AUNIP: variants seen among roughly 807,000 people sequenced by gnomAD.
AUNIP encodes aurora kinase A- and ninein-interacting protein.
A neutral mutation model predicts 12.2 loss-of-function variants in AUNIP; 16 were observed. That is an observed-to-expected ratio of 1.31 (90% CI 0.88 to 1.99). The LOEUF (loss-of-function observed/expected upper bound fraction) is 1.99, where lower values mean the gene tolerates loss of function less well. Among genes scored for constraint, AUNIP ranks in the 30% most tolerant of loss-of-function variants. The pLI, the probability that AUNIP is intolerant of heterozygous loss-of-function variation, is 0.00. For synonymous variants in AUNIP, 142 were observed against 154.8 expected (o/e 0.92, Z 0.61); for missense variants, 411 against 419.1 (o/e 0.98, Z 0.17).
intron 1 of AUNIP, among the ~76,000 whole-genome samples, chr1:25,858,209 TTCTTATCTA>T (rs2124518500): frequency 6.6e-6 from 1 of 152,248 alleles, no homozygotes; most frequent in Non-Finnish European, 1.5e-5. Context: ...ATGATCAAAT[TTCTTATCTA>T]TAAAACCAGG....
chr1:25,851,828 G>T (rs565588572), intron 1 of AUNIP, among the ~76,000 whole-genome samples: 1 of 151,926 alleles, frequency 6.6e-6, no homozygotes, highest in South Asian at 2.1e-4. Flanking sequence ...CCTGTCTCCC[G>T]GGTTCAAGTG....
In AUNIP at chr1:25,835,664, G is replaced by C. The variant is rs772304245; in HGVS notation, c.403C>G (p.Gln135Glu). The change falls in exon 3 of 3, where the codon CAG becomes GAG. Residue 135 changes from glutamine (Q) to glutamate (E), a missense_variant. Transcript: ENST00000374298. The part of the protein sequence containing the change: ...ADIQEAGLSP[Q>E]SLQTSGHHRM... ...TGGTGGCCAGAAGTCTGGAGGGACT[G>C]AGGAGAGAGTCCAGCTTCCTGGATG... 6.2e-7 allele frequency: 1 copy of C among 1,614,240 alleles called. No individual in the cohort carries two copies. Among genetic ancestry groups the C allele is most frequent in the South Asian group, 1.1e-5 (1 of 91,090 alleles).
Position 25,835,443 on chromosome 1 carries a change from A to G in AUNIP, c.624T>C (p.Tyr208=). The G allele has an allele frequency of 1.2e-6, 2 of 1,614,208 alleles. No individual in the cohort carries two copies. Among genetic ancestry groups the G allele is most frequent in the Non-Finnish European group, 1.7e-6 (2 of 1,180,038 alleles). Residue 208 remains tyrosine (Y), a synonymous_variant, in exon 3 of 3, where the codon TAT becomes TAC. Coordinates refer to ENST00000374298, the MANE Select transcript of AUNIP (RefSeq NM_024037.3). ...WEWLHESKKN[Y]QSMEKHTKLP... is the part of the protein sequence containing the mutation. ...GTTTGGTGTGTTTCTCCATACTCTG[A>G]TAGTTCTTCTTAGACTCATGAAGCC...
intron 1 of AUNIP, among the ~76,000 whole-genome samples, chr1:25,855,523 G>A (rs2048454540): frequency 6.6e-6 from 1 of 152,026 alleles, no homozygotes; most frequent in African/African-American, 2.4e-5. Context: ...AGCAAATCTA[G>A]TATACATACA....
intron 1 of AUNIP, among the ~76,000 whole-genome samples, chr1:25,857,755 C>A (rs1334778318): frequency 3.3e-5 from 5 of 150,842 alleles, no homozygotes; most frequent in Admixed American, 6.6e-5. Context: ...CCCAGCTACT[C>A]GGGAGGCTGA....
chr1:25,849,410 C>T (rs1449938809), intron 1 of AUNIP, among the ~76,000 whole-genome samples: 1 of 152,198 alleles, frequency 6.6e-6, no homozygotes, highest in East Asian at 1.9e-4. Context: ...AGCAGTCATT[C>T]CTCATTCCCA....
chr1:25,841,495 C>T (rs2048347183), intron 1 of AUNIP, among the ~76,000 whole-genome samples: 1 of 151,876 alleles, frequency 6.6e-6, no homozygotes, highest in African/African-American at 2.4e-5. Flanking sequence ...TTGCAGTATT[C>T]CAAACTTTTT....
At chr1:25,832,334 G>A, downstream of AUNIP, 1 of 687,610 alleles carries the variant, frequency 1.5e-6, no homozygotes, top group Admixed American at 2.7e-5. Context: ...GTGAAAATAG[G>A]TCCTAAATGA....
At chr1:25,852,250 T>C (rs2048428391) in intron 1 of AUNIP, among the ~76,000 whole-genome samples, 1 of 151,494 alleles carries the variant, frequency 6.6e-6, no homozygotes, top group African/African-American at 2.4e-5. Flanking sequence ...CACTGTGCTC[T>C]CTTTTATTCT....
intron 1 of AUNIP, among the ~76,000 whole-genome samples, chr1:25,845,856 T>C (rs758596406): frequency 1.8e-4 from 28 of 152,332 alleles, no homozygotes; most frequent in Middle Eastern, 3.4e-3. Context: ...GATGAGCTCC[T>C]GTCACTATAA....
chr1:25,835,097 G>A lies in AUNIP; in HGVS notation c.970C>T (p.Pro324Ser), dbSNP rs2048288469. 2 of 1,614,106 alleles carry A rather than the reference G, an allele frequency of 1.2e-6. No individual in the cohort carries two copies. The highest frequency in any genetic ancestry group is 1.7e-5 in the Admixed American group (1 of 60,008). ...NWDLGPFPNS[P>S]WAQCQEDGPT... is the part of the protein sequence containing the mutation. ...CCATCCTCCTGGCACTGAGCCCAAG[G>A]ACTGTTAGGAAACGGCCCTAAGTCC... The change falls in exon 3 of 3, where the codon CCT becomes TCT. Residue 324 changes from proline (P) to serine (S), a missense_variant. Coordinates refer to ENST00000374298, the MANE Select transcript of AUNIP (RefSeq NM_024037.3).
Position 25,837,472 on chromosome 1 carries a change from C to G in AUNIP, c.161G>C (p.Arg54Thr). ...CTGGTGAATGCCTGTAGATGGAGCT[C>G]TTCTTTGAGTAAAATAAATATTAGC... ...RKANIYFTQRRAPSTGIHQRS... is the reference protein window; with the variant it reads ...RKANIYFTQRTAPSTGIHQRS... Residue 54 changes from arginine (R) to threonine (T), a missense_variant, in exon 2 of 3, where the codon AGA becomes ACA. Physicochemically the swap from Arg to Thr is moderately conservative, Grantham distance 71 (BLOSUM62 -1). Transcript: ENST00000374298. 6.2e-7 allele frequency: 1 copy of G among 1,614,022 alleles called. No individual in the cohort carries two copies. The highest frequency in any genetic ancestry group is 8.5e-7 in the Non-Finnish European group (1 of 1,179,964).
At position 25,834,148 on chromosome 1, in the gene AUNIP, C is replaced by T. The variant is rs1416728359; in HGVS notation, c.*845G>A. ...AGATATTTAAACATAGAGTATATAA[C>T]TTTAAAGTGCTGTACAGTTACCACA... On this transcript the variant is annotated 3_prime_UTR_variant, in exon 3 of 3. Coordinates refer to ENST00000374298, the MANE Select transcript of AUNIP (RefSeq NM_024037.3). The T allele has an allele frequency of 3.1e-5, 31 of 985,260 alleles. No homozygotes were observed. The highest frequency in any genetic ancestry group is 3.6e-5 in the Non-Finnish European group (30 of 829,840). 61.0% of individuals were successfully genotyped at this position (985,260 alleles called of 1,614,324 possible). A position where few individuals can be genotyped will look rare whatever the true frequency, so the allele number is the denominator to read the frequency against.
In AUNIP at chr1:25,835,289, C is replaced by G. The variant is rs368051948; in HGVS notation, c.778G>C (p.Glu260Gln). 1 of 1,614,114 alleles carries G rather than the reference C, an allele frequency of 6.2e-7. No homozygotes were observed. The highest frequency in any genetic ancestry group is 8.5e-7 in the Non-Finnish European group (1 of 1,179,966). The change falls in exon 3 of 3, where the codon GAA becomes CAA. Residue 260 changes from glutamate to glutamine, a missense_variant. Physicochemically the swap from Glu to Gln is conservative, Grantham distance 29. Coordinates refer to ENST00000374298, the MANE Select transcript of AUNIP (RefSeq NM_024037.3). ...YRESWNGENI[E>Q]SVKQSRSPVS... ...GGACTACGGCTTTGTTTCACTGATTCTATGTTTTCTCCATTCCAGGATTCC... is the reference window on the plus strand; with the variant it reads ...GGACTACGGCTTTGTTTCACTGATTGTATGTTTTCTCCATTCCAGGATTCC...
In AUNIP at chr1:25,834,169, C is replaced by T. The variant is rs1166868552; in HGVS notation, c.*824G>A. The T allele has an allele frequency of 2.0e-6, 2 of 985,028 alleles. No individual in the cohort carries two copies. The highest frequency in any genetic ancestry group is 1.2e-6 in the Non-Finnish European group (1 of 829,872). The allele number at this position is 985,028 out of a possible 1,614,324, so 61.0% of individuals were successfully genotyped here. ...ATAACTTTAAAGTGCTGTACAGTTA[C>T]CACAAAAATAAAATAGGAAACTAGC... On this transcript the variant is annotated 3_prime_UTR_variant, in exon 3 of 3. Transcript: ENST00000374298.
intron 1 of AUNIP, among the ~76,000 whole-genome samples, chr1:25,859,001 C>T (rs757160840): frequency 3.6e-4 from 55 of 152,134 alleles, no homozygotes; most frequent in Admixed American, 1.6e-3. Flanking sequence ...TTTCCCTCCG[C>T]CTCTCCCACA....
At chr1:25,842,240 T>C (rs2048351896) in intron 1 of AUNIP, among the ~76,000 whole-genome samples, 2 of 152,376 alleles carry the variant, frequency 1.3e-5, no homozygotes, top group South Asian at 2.1e-4. Context: ...AACAGCCTTA[T>C]TGCTGATATG....
At chr1:25,853,588 C>G (rs889124701) in intron 1 of AUNIP, among the ~76,000 whole-genome samples, 5 of 152,182 alleles carry the variant, frequency 3.3e-5, no homozygotes, top group African/African-American at 9.6e-5. Context: ...CAGAGCAACT[C>G]TGTCTCAAAA....
chr1:25,846,416 CAAAAAA>C (rs57719994), intron 1 of AUNIP, among the ~76,000 whole-genome samples: 4 of 29,846 alleles, frequency 1.3e-4, no homozygotes, highest in African/African-American at 1.5e-4. Flanking sequence ...GACTCCATCT[CAAAAAA>C]AAAAAAAAAA....
Sources: gnomAD v4.1 joint callset for allele counts (sites outside exome capture counted in the v4.1 genomes callset) on GRCh38, gnomAD v4.1.1 for gene constraint, MANE v1.5 for transcripts, NCBI Gene and HGNC (gene_info 2026-07-23, HGNC 2026-07-21) for gene names.